Variants in DSCAML1 observed in about 807,000 individuals in gnomAD.
DSCAML1 encodes the protein DS cell adhesion molecule like 1.
Under a neutral mutation model 200.5 loss-of-function variants are expected in DSCAML1, and 38 were observed. The observed-to-expected ratio is 0.19, with a 90% CI of 0.15 to 0.25. DSCAML1 has a LOEUF of 0.25. DSCAML1 is among the 10% of genes least tolerant of loss of function. DSCAML1 has a pLI of 1.00. For synonymous variants in DSCAML1, 1,215 were observed against 1,165.0 expected, an observed-to-expected ratio of 1.04 and a Z score of -0.87; for missense variants, 2,223 against 2,858.8, an observed-to-expected ratio of 0.78 and a Z score of 5.07.
chr11:117,654,511 T>A (rs1299357675), intron 3 of DSCAML1, among the ~76,000 whole-genome samples: 2 of 152,114 alleles, frequency 1.3e-5, no homozygotes, highest in African/African-American at 4.8e-5. Context: ...GGCCCATCCA[T>A]GAGATAGGGC....
rs1453227267 is a variant in DSCAML1, at chr11:117,809,953, TCACACACTCACACATTCA to T, written c.-250+7419_-250+7436del. On this transcript the variant is annotated intron_variant, in intron 1 of 2. Transcript: ENST00000525836. ...CACACGCATATTCACATACACACAT[TCACACACTCACACATTCA>T]CACACACTCATACACACATTCACAT... Among the ~76,000 whole-genome samples, 23 of 136,632 alleles carry T rather than the reference TCACACACTCACACATTCA, an allele frequency of 1.7e-4. 1 individual carries two copies. The highest frequency in any genetic ancestry group is 7.0e-4 in the South Asian group (3 of 4,290). The allele number at this position is 136,632 out of a possible 152,430, so 89.6% of individuals were successfully genotyped here.
At chr11:117,453,243 G>C (rs7946621) in intron 19 of DSCAML1, among the ~76,000 whole-genome samples, 6 of 152,226 alleles carry the variant, frequency 3.9e-5, no homozygotes, top group Admixed American at 2.6e-4. Flanking sequence ...CCCCATTGTC[G>C]TTTATTTTAA....
intron 3 of DSCAML1, among the ~76,000 whole-genome samples, chr11:117,609,535 G>A (rs1417580485): frequency 6.6e-6 from 1 of 151,992 alleles, no homozygotes; most frequent in Non-Finnish European, 1.5e-5. Context: ...TCAAGCTCCT[G>A]GGCTCAAGCA....
chr11:117,585,544 C>G (rs2051124699), intron 3 of DSCAML1, among the ~76,000 whole-genome samples: 1 of 152,232 alleles, frequency 6.6e-6, no homozygotes, highest in East Asian at 1.9e-4. Context: ...CCACACCTGG[C>G]TTATCTGCTA....
Position 117,433,315 on chromosome 11 carries a change from G to C in DSCAML1, c.4908-59C>G, listed in dbSNP as rs2047841985. On this transcript the variant is annotated intron_variant, in intron 28 of 32. Coordinates refer to ENST00000651296, the MANE Select transcript of DSCAML1 (RefSeq NM_020693.4). The stretch of plus-strand genomic sequence containing the variant: ...CAGCCATAAGGGGTTGGGGAAGGGG[G>C]CTCTGCAGGACAGTGGGATTTTAGA... 1.5e-5 allele frequency: 24 copies of C among 1,567,348 alleles called. No homozygotes were observed. In the South Asian group the frequency reaches 2.8e-4, roughly 18 times the overall value.
At chr11:117,434,184 C>T (rs1193997063) in intron 27 of DSCAML1, among the ~76,000 whole-genome samples, 2 of 152,088 alleles carry the variant, frequency 1.3e-5, no homozygotes, top group Non-Finnish European at 1.5e-5. Context: ...ATCCATTGAT[C>T]CATCCATCCA....
chr11:117,442,412 T>C (rs1020178193), intron 21 of DSCAML1, among the ~76,000 whole-genome samples: 44 of 152,094 alleles, frequency 2.9e-4, no homozygotes, highest in African/African-American at 1.0e-3. Flanking sequence ...CATTAGTATG[T>C]GTATGTGCGT....
chr11:117,785,768 C>T (rs2055341048), intron 1 of DSCAML1, among the ~76,000 whole-genome samples: 1 of 152,172 alleles, frequency 6.6e-6, no homozygotes, highest in Admixed American at 6.5e-5. Flanking sequence ...TCACATTTTG[C>T]AGCACCTTCT....
chr11:117,515,028 C>T (rs920333896), intron 8 of DSCAML1, among the ~76,000 whole-genome samples: 3 of 152,342 alleles, frequency 2.0e-5, no homozygotes, highest in East Asian at 1.9e-4. Context: ...GTGCGCCTGC[C>T]GCAGTGACAG....
rs550442359 is a variant in DSCAML1 at position 117,509,056 on chromosome 11, C to A, written c.1784-3324G>T. On this transcript the variant is annotated intron_variant, in intron 8 of 32. Coordinates refer to ENST00000651296, the MANE Select transcript of DSCAML1 (RefSeq NM_020693.4). Reference sequence around the variant, plus strand: ...CCGTGTGGGCTGGGGAAAGTAGAAACACACTTCAGCTACAGACGGAGCCTC... The same window carrying A: ...CCGTGTGGGCTGGGGAAAGTAGAAAAACACTTCAGCTACAGACGGAGCCTC... 8.5e-5 allele frequency among the ~76,000 whole-genome samples: 13 copies of A among 152,240 alleles called. No individual in the cohort carries two copies. The South Asian group carries it at 2.3e-3, about 27-fold the overall frequency.
intron 3 of DSCAML1, among the ~76,000 whole-genome samples, chr11:117,575,928 T>C (rs971578986): frequency 1.3e-5 from 2 of 152,172 alleles, no homozygotes; most frequent in Admixed American, 6.5e-5. Context: ...GGGCCCACAC[T>C]GCTGGAATGA....
chr11:117,469,738 G>C lies in DSCAML1; in HGVS notation c.3024+172C>G, dbSNP rs1015997898. On this transcript the variant is annotated intron_variant, in intron 16 of 32. Coordinates refer to ENST00000651296, the MANE Select transcript of DSCAML1 (RefSeq NM_020693.4). The surrounding 1 kb of genome is among the most constrained non-coding windows in gnomAD (Gnocchi z 4.1). ...GGGGATTATTGTGCTGGAGGGACCTGCCTTTGCCTCCCTCTCCTTCCATCT... is the reference window on the plus strand; with the variant it reads ...GGGGATTATTGTGCTGGAGGGACCTCCCTTTGCCTCCCTCTCCTTCCATCT... 6.6e-6 allele frequency among the ~76,000 whole-genome samples: 1 copy of C among 152,126 alleles called. No homozygotes were observed. Among genetic ancestry groups the C allele is most frequent in the African/African-American group, 2.4e-5 (1 of 41,430 alleles).
At chr11:117,803,857 A>C (rs950901106) in intron 1 of DSCAML1, among the ~76,000 whole-genome samples, 2 of 152,246 alleles carry the variant, frequency 1.3e-5, no homozygotes, top group Non-Finnish European at 2.9e-5. Flanking sequence ...TTAGATGATG[A>C]AAGTTCTCTT....
At chr11:117,760,901 T>A (rs1187423918) in intron 3 of DSCAML1, among the ~76,000 whole-genome samples, 1 of 152,094 alleles carries the variant, frequency 6.6e-6, no homozygotes, top group African/African-American at 2.4e-5. Context: ...AAAGAGGTCA[T>A]AACACTATTT....
chr11:117,478,117 C>A (rs2048834314), intron 14 of DSCAML1, among the ~76,000 whole-genome samples: 2 of 152,230 alleles, frequency 1.3e-5, no homozygotes, highest in African/African-American at 4.8e-5. Context: ...TCCACCTTGC[C>A]TTCTGCCTTG....
At position 117,762,700 on chromosome 11, in the gene DSCAML1, T is replaced by C. The variant is rs1167926514; in HGVS notation, c.511+14091A>G. ...CAACATGGTGAAACCCCATCTCTAC[T>C]AAAATTACAAAAATTAGTCAGGTGT... is the stretch of plus-strand genomic sequence containing the variant. On this transcript the variant is annotated intron_variant, in intron 3 of 32. Coordinates refer to ENST00000651296, the MANE Select transcript of DSCAML1 (RefSeq NM_020693.4). 3.9e-5 allele frequency among the ~76,000 whole-genome samples: 6 copies of C among 152,078 alleles called. No homozygotes were observed. The South Asian group carries it at 1.0e-3, about 26-fold the overall frequency.
chr11:117,503,132 C>T lies in DSCAML1; in HGVS notation c.2359+713G>A, dbSNP rs1480777079. On this transcript the variant is annotated intron_variant, in intron 11 of 32. Coordinates refer to ENST00000651296, the MANE Select transcript of DSCAML1 (RefSeq NM_020693.4). This position sits in a 1 kb window ranked among gnomAD's most constrained non-coding sequence, Gnocchi z 5.2. ...AGAAAATCCTGGGATAGCAAATAGG[C>T]AGTGTGCTTCTAGGGCCGTTGAGGC... 6.6e-6 allele frequency among the ~76,000 whole-genome samples: 1 copy of T among 152,180 alleles called. No individual in the cohort carries two copies. Among genetic ancestry groups the T allele is most frequent in the Non-Finnish European group, 1.5e-5 (1 of 68,038 alleles).
intron 3 of DSCAML1, among the ~76,000 whole-genome samples, chr11:117,728,324 CAT>C (rs2137811570): frequency 6.6e-6 from 1 of 152,294 alleles, no homozygotes; most frequent in African/African-American, 2.4e-5. Flanking sequence ...TAGCTAACAT[CAT>C]ATGTAATGAT....
chr11:117,433,076 T>C, intron 29 of DSCAML1, 62 bp downstream of exon 29: 2 of 1,467,978 alleles, frequency 1.4e-6, no homozygotes, highest in South Asian at 1.2e-5. Flanking sequence ...TTGACTTCCA[T>C]GGGTTGTAGC....
Sources: allele counts gnomAD v4.1 joint callset (sites outside exome capture counted in the v4.1 genomes callset), GRCh38; gene constraint gnomAD v4.1.1; non-coding constraint Gnocchi (gnomAD v3.1); transcripts MANE v1.5; gene names NCBI Gene and HGNC (gene_info 2026-07-23, HGNC 2026-07-21).